The following FAM81A variants were observed in gnomAD, a reference collection of about 807,000 sequenced individuals.
FAM81A encodes the protein family with sequence similarity 81 member A.
A neutral mutation model predicts 46.7 loss-of-function variants in FAM81A; 19 were observed. The observed-to-expected ratio is 0.41, with a 90% confidence interval of 0.28 to 0.60. The LOEUF (loss-of-function observed/expected upper bound fraction) is 0.60, where lower values mean the gene tolerates loss of function less well. FAM81A is among the 20% of genes least tolerant of loss of function. FAM81A has a pLI of 0.34. For synonymous variants in FAM81A, 183 were observed against 152.9 expected (o/e 1.20, Z -1.45); for missense variants, 377 against 453.5 (o/e 0.83, Z 1.53).
chr15:59,450,103 C>CTTTTTT (rs56862038), intron 1 of FAM81A, among the ~76,000 whole-genome samples: 1 of 126,288 alleles, frequency 7.9e-6, no homozygotes, highest in Non-Finnish European at 1.6e-5. Flanking sequence ...TTCTTTCTTT[C>CTTTTTT]TTTTTTTTTT....
chr15:59,461,350 A>C (rs555234134), intron 3 of FAM81A, among the ~76,000 whole-genome samples: 1 of 152,166 alleles, frequency 6.6e-6, no homozygotes, highest in African/African-American at 2.4e-5. Flanking sequence ...CAGTTGTGCA[A>C]TCATGGCTCA....
At chr15:59,422,014 A>G (rs1295380679) in intron 2 of FAM81A, among the ~76,000 whole-genome samples, 2 of 152,170 alleles carry the variant, frequency 1.3e-5, no homozygotes, top group Non-Finnish European at 2.9e-5. Flanking sequence ...TAAACAAAAT[A>G]AGGTACATAA....
intron 2 of FAM81A, among the ~76,000 whole-genome samples, chr15:59,418,436 C>A (rs1319742755): frequency 6.6e-6 from 1 of 152,198 alleles, no homozygotes; most frequent in African/African-American, 2.4e-5. Flanking sequence ...TTTACAAGGG[C>A]AAGCTGGTTG....
At chr15:59,514,882 C>G (rs190181056) in intron 7 of FAM81A, among the ~76,000 whole-genome samples, 3 of 152,194 alleles carry the variant, frequency 2.0e-5, no homozygotes, top group African/African-American at 7.2e-5. Flanking sequence ...TTTTTTTCCC[C>G]ATTTTCCTTC....
chr15:59,408,411 A>G (rs1339819172), intron 2 of FAM81A, among the ~76,000 whole-genome samples: 1 of 152,222 alleles, frequency 6.6e-6, no homozygotes, highest in African/African-American at 2.4e-5. Context: ...AAAATAAAAT[A>G]CAGCTGGGTG....
At chr15:59,447,264 T>C (rs945606613) in intron 1 of FAM81A, among the ~76,000 whole-genome samples, 3 of 152,234 alleles carry the variant, frequency 2.0e-5, no homozygotes, top group African/African-American at 7.2e-5. Context: ...TCAGGTAAGC[T>C]ATATCTGCTG....
intron 2 of FAM81A, among the ~76,000 whole-genome samples, chr15:59,406,684 C>T (rs1260598389): frequency 6.6e-6 from 1 of 152,164 alleles, no homozygotes; most frequent in Non-Finnish European, 1.5e-5. Flanking sequence ...CTCTAGGCAA[C>T]CGCTGATCTA....
Position 59,521,391 on chromosome 15 carries a change from C to G in FAM81A, c.*13C>G, listed in dbSNP as rs544945440. On this transcript the variant is annotated 3_prime_UTR_variant, in exon 9 of 9. Transcript: ENST00000288228. Reference sequence around the variant, plus strand: ...GACCCCCATGTGAAGGGAGCTGGGACAAGGTCCTAAAAGACAGTTTTGCCA... The same window carrying G: ...GACCCCCATGTGAAGGGAGCTGGGAGAAGGTCCTAAAAGACAGTTTTGCCA... 8 of 1,596,106 alleles carry G rather than the reference C, an allele frequency of 5.0e-6. No homozygotes were observed. The highest frequency in any genetic ancestry group is 1.7e-4 in the Middle Eastern group (1 of 6,036).
intron 4 of FAM81A, among the ~76,000 whole-genome samples, chr15:59,494,518 T>C (rs1326972576): frequency 6.6e-6 from 1 of 152,258 alleles, no homozygotes; most frequent in Non-Finnish European, 1.5e-5. Context: ...AGGAATCTTA[T>C]ATTCTTCAGT....
intron 2 of FAM81A, among the ~76,000 whole-genome samples, chr15:59,419,063 T>C (rs1161620159): frequency 6.6e-6 from 1 of 152,248 alleles, no homozygotes; most frequent in East Asian, 1.9e-4. Flanking sequence ...ACTGGTATTC[T>C]GGTTTTAAGT....
chr15:59,398,199 T>G lies in FAM81A; in HGVS notation c.-160-4077T>G, dbSNP rs543888753. Among the ~76,000 whole-genome samples the G allele has an allele frequency of 1.7e-4, 26 of 152,338 alleles. No homozygotes were observed. The East Asian group carries it at 5.0e-3, about 29-fold the overall frequency. On this transcript the variant is annotated intron_variant, in intron 1 of 4. Coordinates refer to the FAM81A transcript ENST00000558348. The stretch of plus-strand genomic sequence containing the variant: ...TGAGTTATGTTAGGTGAGGACATCT[T>G]TGGAGCCATCTGCATAAGAAGAAGA...
chr15:59,491,131 T>A lies in FAM81A; in HGVS notation c.295-1140T>A, dbSNP rs116487497. 5.1e-3 allele frequency among the ~76,000 whole-genome samples: 770 copies of A among 152,288 alleles called. 6 individuals carry two copies. Among genetic ancestry groups the A allele is most frequent in the African/African-American group, 0.018 (741 of 41,566 alleles). On this transcript the variant is annotated intron_variant, in intron 3 of 8. Coordinates refer to ENST00000288228, the MANE Select transcript of FAM81A (RefSeq NM_152450.3). ...TGCACTCCCGTGTTTATTGCAGCAC[T>A]ATCCACAATAGCCAAGATTTGGAAG...
chr15:59,451,069 T>A (rs1237309296), intron 1 of FAM81A, among the ~76,000 whole-genome samples: 1 of 152,194 alleles, frequency 6.6e-6, no homozygotes, highest in Non-Finnish European at 1.5e-5. Context: ...AGGGACCATG[T>A]TTTGATCATC....
chr15:59,499,671 T>C (rs2082070609), intron 4 of FAM81A, among the ~76,000 whole-genome samples: 1 of 152,188 alleles, frequency 6.6e-6, no homozygotes, highest in Non-Finnish European at 1.5e-5. Context: ...AGTAAGATTC[T>C]TGGTTGGATG....
At chr15:59,491,325 A>T (rs1300106947) in intron 3 of FAM81A, among the ~76,000 whole-genome samples, 1 of 152,198 alleles carries the variant, frequency 6.6e-6, no homozygotes, top group Non-Finnish European at 1.5e-5. Flanking sequence ...ACAGAAAGAT[A>T]AGCTTCGCAT....
intron 3 of FAM81A, among the ~76,000 whole-genome samples, chr15:59,472,156 G>T (rs1166504986): frequency 6.6e-6 from 1 of 152,098 alleles, no homozygotes; most frequent in Non-Finnish European, 1.5e-5. Context: ...AGAGCACTGA[G>T]ACCCTCCCTT....
At chr15:59,510,800 A>G (rs1256793346) in intron 6 of FAM81A, among the ~76,000 whole-genome samples, 2 of 149,252 alleles carry the variant, frequency 1.3e-5, no homozygotes, top group African/African-American at 4.9e-5. Flanking sequence ...AAAAAAAAAA[A>G]AAAAAAAGAA....
chr15:59,469,136 G>A (rs1281602456), intron 3 of FAM81A, among the ~76,000 whole-genome samples: 1 of 152,128 alleles, frequency 6.6e-6, no homozygotes, highest in Non-Finnish European at 1.5e-5. Context: ...CCAATTATGT[G>A]GTCAATTTTA....
chr15:59,509,611 G>A (rs779709878), intron 6 of FAM81A, among the ~76,000 whole-genome samples: 1 of 152,182 alleles, frequency 6.6e-6, no homozygotes, highest in Non-Finnish European at 1.5e-5. Flanking sequence ...GCACTTTGAG[G>A]ACGGGGCAAA....
Sources: gnomAD v4.1 joint callset for allele counts (sites outside exome capture counted in the v4.1 genomes callset) on GRCh38, gnomAD v4.1.1 for gene constraint, MANE v1.5 for transcripts, NCBI Gene and HGNC (gene_info 2026-07-23, HGNC 2026-07-21) for gene names.